Variants in RNF150 observed in about 807,000 individuals in gnomAD.
The protein encoded by RNF150 is ring finger protein 150.
Under a neutral mutation model 39.3 loss-of-function variants are expected in RNF150, and 24 were observed. That is an observed-to-expected ratio of 0.61 (90% CI 0.44 to 0.86). The LOEUF (loss-of-function observed/expected upper bound fraction) is 0.86, where lower values mean the gene tolerates loss of function less well. Among genes scored for constraint, RNF150 ranks in the 40% least tolerant of loss-of-function variants. The probability of loss-of-function intolerance (pLI) is 0.00; values close to 1 mark genes in which losing one functional copy is unlikely to be tolerated. For synonymous variants in RNF150, 255 were observed against 227.3 expected, an observed-to-expected ratio of 1.12 and a Z score of -1.10; for missense variants, 502 against 587.8, an observed-to-expected ratio of 0.85 and a Z score of 1.51.
intron 4 of RNF150, among the ~76,000 whole-genome samples, chr4:140,931,975 G>T (rs959921504): frequency 3.3e-5 from 5 of 152,158 alleles, no homozygotes; most frequent in African/African-American, 1.2e-4. Flanking sequence ...CAGCTGGAGA[G>T]AGAAAAGGCT....
rs1560678529 is a variant in RNF150 at position 140,999,969 on chromosome 4, G to GAAGAAGAAGAAGAAGAAGAAGAA, written c.485-32097_485-32096insTTCTTCTTCTTCTTCTTCTTCTT. On this transcript the variant is annotated intron_variant, in intron 1 of 6. Coordinates refer to ENST00000515673, the MANE Select transcript of RNF150 (RefSeq NM_020724.2). ...AGAAGAAGAAGAAGAAGAAGAAGAA[G>GAAGAAGAAGAAGAAGAAGAAGAA]AAGAAGAAAAGAAGAAAAGAAGAAA... is the stretch of plus-strand genomic sequence containing the variant. Among the ~76,000 whole-genome samples the GAAGAAGAAGAAGAAGAAGAAGAA allele has an allele frequency of 1.8e-3, 56 of 31,044 alleles. 13 individuals are homozygous for GAAGAAGAAGAAGAAGAAGAAGAA. The highest frequency in any genetic ancestry group is 7.5e-3 in the South Asian group (3 of 402). 20.4% of individuals were successfully genotyped at this position (31,044 alleles called of 152,430 possible).
chr4:140,915,803 G>A lies in RNF150; in HGVS notation c.988-4449C>T, dbSNP rs187747561. On this transcript the variant is annotated intron_variant, in intron 5 of 6. Coordinates refer to ENST00000515673, the MANE Select transcript of RNF150 (RefSeq NM_020724.2). Reference sequence around the variant, plus strand: ...TAAATGGGAGGCACCCCCCAGTAGGGGCGGACTGACACCTCACACGGCCGG... The same window carrying A: ...TAAATGGGAGGCACCCCCCAGTAGGAGCGGACTGACACCTCACACGGCCGG... Among the ~76,000 whole-genome samples the A allele has an allele frequency of 6.0e-4, 92 of 152,294 alleles. 1 individual carries two copies. Among genetic ancestry groups the A allele is most frequent in the East Asian group, 2.5e-3 (13 of 5,180 alleles).
intron 1 of RNF150, among the ~76,000 whole-genome samples, chr4:141,143,935 C>A (rs537601256): frequency 4.6e-5 from 7 of 152,130 alleles, no homozygotes; most frequent in Non-Finnish European, 1.0e-4. Flanking sequence ...TATTTCACTC[C>A]TCTTATTTTT....
At chr4:141,090,387 C>T (rs1353483516) in intron 1 of RNF150, among the ~76,000 whole-genome samples, 1 of 152,034 alleles carries the variant, frequency 6.6e-6, no homozygotes, top group Non-Finnish European at 1.5e-5. Flanking sequence ...TATAAAAAGA[C>T]ATAAAATTTT....
intron 1 of RNF150, among the ~76,000 whole-genome samples, chr4:140,979,358 A>C (rs1733779104): frequency 6.6e-6 from 1 of 152,102 alleles, no homozygotes; most frequent in Non-Finnish European, 1.5e-5. Context: ...TAAATAGCAG[A>C]ATCATTTACC....
Position 141,112,188 on chromosome 4 carries a change from A to G in RNF150, c.484+20137T>C, listed in dbSNP as rs112580306. Among the ~76,000 whole-genome samples, 1,104 of 152,310 alleles carry G rather than the reference A, an allele frequency of 7.2e-3. 11 individuals carry two copies. Among genetic ancestry groups the G allele is most frequent in the African/African-American group, 0.025 (1,031 of 41,570 alleles). On this transcript the variant is annotated intron_variant, in intron 1 of 6. Coordinates refer to ENST00000515673, the MANE Select transcript of RNF150 (RefSeq NM_020724.2). ...CAGAAGAGTCTTTATCCAATTTGCC[A>G]GTCTGTGTCTTTTAATTGGGGCATT...
chr4:141,208,532 T>C (rs899489590), intron 1 of RNF150, among the ~76,000 whole-genome samples: 1 of 152,240 alleles, frequency 6.6e-6, no homozygotes, highest in Non-Finnish European at 1.5e-5. Flanking sequence ...TTTCTGTGTT[T>C]ATACAGAATC....
At chr4:141,177,049 C>T (rs1343351552) in intron 1 of RNF150, among the ~76,000 whole-genome samples, 1 of 92,034 alleles carries the variant, frequency 1.1e-5, no homozygotes, top group Non-Finnish European at 2.2e-5. Context: ...GACCCTGTCT[C>T]CTAGGAAAAA....
intron 1 of RNF150, among the ~76,000 whole-genome samples, chr4:141,154,438 C>T (rs2111146317): frequency 6.6e-6 from 1 of 152,292 alleles, no homozygotes; most frequent in Middle Eastern, 3.4e-3. Flanking sequence ...GTTAGGCAAG[C>T]ACTTCTCACA....
chr4:140,993,891 T>C lies in RNF150; in HGVS notation c.485-26018A>G, dbSNP rs114117305. On this transcript the variant is annotated intron_variant, in intron 1 of 6. Transcript: ENST00000515673. ...GAATTCTAAGTAAGATGGTGACACCTACTCATCGGAAAACACTGCCCAGGA... is the reference window on the plus strand; with the variant it reads ...GAATTCTAAGTAAGATGGTGACACCCACTCATCGGAAAACACTGCCCAGGA... 2.6e-3 allele frequency among the ~76,000 whole-genome samples: 390 copies of C among 152,288 alleles called. 2 individuals carry two copies. The highest frequency in any genetic ancestry group is 9.0e-3 in the African/African-American group (374 of 41,564).
At chr4:141,141,709 C>A (rs13133659) in intron 1 of RNF150, among the ~76,000 whole-genome samples, 2,089 of 152,160 alleles carry the variant, frequency 0.014, 26 homozygotes, top group Non-Finnish European at 0.019. Context: ...ACTGAGGCAC[C>A]AGAATTGCTT....
At chr4:141,139,470 G>A (rs902839624) in intron 1 of RNF150, among the ~76,000 whole-genome samples, 5 of 152,342 alleles carry the variant, frequency 3.3e-5, no homozygotes, top group East Asian at 1.9e-4. Context: ...GAACCAGGTC[G>A]ATTCTGCATC....
chr4:141,020,950 A>C (rs1367074152), intron 1 of RNF150, among the ~76,000 whole-genome samples: 2 of 152,150 alleles, frequency 1.3e-5, no homozygotes, highest in Non-Finnish European at 2.9e-5. Flanking sequence ...GTAAAAACAG[A>C]TTTTATTCAG....
intron 1 of RNF150, among the ~76,000 whole-genome samples, chr4:141,010,460 C>T (rs1735034219): frequency 6.6e-6 from 1 of 152,182 alleles, no homozygotes; most frequent in Non-Finnish European, 1.5e-5. Flanking sequence ...ATCCACTTTG[C>T]AGTCCTCCAG....
chr4:140,972,881 A>C (rs1248848260), intron 1 of RNF150, among the ~76,000 whole-genome samples: 1 of 152,182 alleles, frequency 6.6e-6, no homozygotes, highest in Non-Finnish European at 1.5e-5. Context: ...ATGGGGGAAA[A>C]GCACTGGAAG....
intron 1 of RNF150, among the ~76,000 whole-genome samples, chr4:141,104,938 T>C (rs10008705): frequency 0.76 from 115,953 of 152,076 alleles, 45,430 homozygotes; most frequent in East Asian, 0.88. Flanking sequence ...CTACCTCTTA[T>C]ATCCCAGTTG....
intron 1 of RNF150, among the ~76,000 whole-genome samples, chr4:141,057,501 G>A (rs1737029445): frequency 6.6e-6 from 1 of 151,886 alleles, no homozygotes; most frequent in Non-Finnish European, 1.5e-5. Context: ...CCCATCACTC[G>A]AGAATGTACA....
At chr4:141,184,335 C>T (rs555307811) in intron 1 of RNF150, among the ~76,000 whole-genome samples, 8 of 152,250 alleles carry the variant, frequency 5.3e-5, no homozygotes, top group Admixed American at 2.6e-4. Context: ...TATCCTTTGC[C>T]CACTTTTTGA....
At chr4:141,183,422 T>C (rs1051093044) in intron 1 of RNF150, among the ~76,000 whole-genome samples, 2 of 152,218 alleles carry the variant, frequency 1.3e-5, no homozygotes, top group Admixed American at 6.5e-5. Flanking sequence ...ATATTATTTA[T>C]GTAATTAGGT....
Sources: allele counts gnomAD v4.1 joint callset (sites outside exome capture counted in the v4.1 genomes callset), GRCh38; gene constraint gnomAD v4.1.1; transcripts MANE v1.5; gene names NCBI Gene and HGNC (gene_info 2026-07-23, HGNC 2026-07-21).